Variants in ATRNL1 observed in about 807,000 individuals in gnomAD.
ATRNL1 encodes the protein attractin like 1, also known as attractin-like protein 1.
In ATRNL1, 95 loss-of-function variants were observed where a neutral mutation model predicts 182.7. That is an observed-to-expected ratio of 0.52 (90% CI 0.44 to 0.62). The LOEUF (loss-of-function observed/expected upper bound fraction) is 0.62, where lower values mean the gene tolerates loss of function less well. Ranked by LOEUF, ATRNL1 falls within the 20% of genes least tolerant of loss-of-function variation. The pLI, the probability that ATRNL1 is intolerant of heterozygous loss-of-function variation, is 0.00. For missense variants in ATRNL1, 1,471 were observed against 1,679.5 expected (o/e 0.88, Z 2.17); for synonymous variants, 576 against 568.3 (o/e 1.01, Z -0.19).
intron 21 of ATRNL1, among the ~76,000 whole-genome samples, chr10:115,452,639 A>G (rs1397312876): frequency 6.6e-6 from 1 of 152,170 alleles, no homozygotes; most frequent in East Asian, 1.9e-4. Context: ...CATCAGCACA[A>G]TCAAGACTAT....
chr10:115,700,440 A>G (rs1196882358), intron 26 of ATRNL1, among the ~76,000 whole-genome samples: 3 of 152,056 alleles, frequency 2.0e-5, no homozygotes, highest in African/African-American at 7.2e-5. Flanking sequence ...CATTTCTCTG[A>G]TGGTGAGTGA....
intron 28 of ATRNL1, among the ~76,000 whole-genome samples, chr10:115,902,764 C>T (rs1293425260): frequency 2.0e-5 from 3 of 152,182 alleles, no homozygotes; most frequent in Non-Finnish European, 4.4e-5. Flanking sequence ...GTAATTTTAA[C>T]ACGAATGACA....
intron 19 of ATRNL1, among the ~76,000 whole-genome samples, chr10:115,361,447 G>A (rs1017149237): frequency 2.2e-4 from 33 of 152,118 alleles, no homozygotes; most frequent in Non-Finnish European, 4.1e-4. Flanking sequence ...AGTGGGCTCT[G>A]AGCATCATTG....
chr10:115,778,524 A>C (rs1448132193), intron 27 of ATRNL1, among the ~76,000 whole-genome samples: 1 of 152,194 alleles, frequency 6.6e-6, no homozygotes, highest in Admixed American at 6.5e-5. Context: ...GTGAAAGAGT[A>C]AAGAAAGGGA....
At chr10:115,831,702 T>C (rs1950564232) in intron 27 of ATRNL1, among the ~76,000 whole-genome samples, 1 of 151,770 alleles carries the variant, frequency 6.6e-6, no homozygotes, top group African/African-American at 2.4e-5. Context: ...GTTTTGTCAT[T>C]TGTAAAGTTT....
intron 1 of ATRNL1, among the ~76,000 whole-genome samples, chr10:115,118,886 G>A (rs1554870725): frequency 6.6e-6 from 1 of 152,034 alleles, no homozygotes; most frequent in African/African-American, 2.4e-5. Context: ...GAGTTTTTCT[G>A]AATTACTGCA....
chr10:115,862,986 G>T (rs1390726222), intron 28 of ATRNL1, among the ~76,000 whole-genome samples: 2 of 152,104 alleles, frequency 1.3e-5, no homozygotes, highest in Non-Finnish European at 2.9e-5. Context: ...AAGAAATAGG[G>T]ACTATAAGGA....
intron 25 of ATRNL1, among the ~76,000 whole-genome samples, chr10:115,526,407 CATT>C (rs1851218475): frequency 6.6e-6 from 1 of 152,200 alleles, no homozygotes; most frequent in South Asian, 2.1e-4. Context: ...TTCAGTCTCT[CATT>C]ATCCCTCTGC....
chr10:115,150,132 A>G (rs1419387827), intron 5 of ATRNL1, among the ~76,000 whole-genome samples: 3 of 151,926 alleles, frequency 2.0e-5, no homozygotes, highest in South Asian at 4.1e-4. Flanking sequence ...TTGTTAGTGT[A>G]TAGTTATTTA....
chr10:115,150,446 G>T (rs1479347289), intron 5 of ATRNL1, among the ~76,000 whole-genome samples: 1 of 151,528 alleles, frequency 6.6e-6, no homozygotes, highest in African/African-American at 2.4e-5. Context: ...AAACCTTTCT[G>T]CTTTTTTGAC....
intron 26 of ATRNL1, among the ~76,000 whole-genome samples, chr10:115,598,703 C>T (rs1927481): frequency 0.49 from 74,957 of 151,822 alleles, 19,432 homozygotes; most frequent in African/African-American, 0.6. Context: ...GTAACTATGT[C>T]TTTTAAAAAG....
At chr10:115,716,626 C>G (rs1217561522) in intron 26 of ATRNL1, among the ~76,000 whole-genome samples, 4 of 152,054 alleles carry the variant, frequency 2.6e-5, no homozygotes, top group African/African-American at 9.7e-5. Flanking sequence ...TAAATTACTT[C>G]TTGGGGTTGG....
intron 28 of ATRNL1, among the ~76,000 whole-genome samples, chr10:115,853,579 A>G (rs910333264): frequency 1.3e-5 from 2 of 152,180 alleles, no homozygotes; most frequent in African/African-American, 4.8e-5. Flanking sequence ...TTCTGCCACC[A>G]TATCTTCACA....
intron 8 of ATRNL1, among the ~76,000 whole-genome samples, chr10:115,203,723 A>T (rs1848687541): frequency 6.7e-6 from 1 of 149,414 alleles, no homozygotes; most frequent in South Asian, 2.1e-4. Context: ...GGGACTGCAG[A>T]AGTGCACCAC....
At chr10:115,910,833 T>G (rs1447742110) in intron 28 of ATRNL1, among the ~76,000 whole-genome samples, 2 of 152,196 alleles carry the variant, frequency 1.3e-5, no homozygotes, top group Non-Finnish European at 2.9e-5. Context: ...TCATCCCGCC[T>G]GCCAATATTT....
chr10:115,369,488 T>G (rs528483461), intron 19 of ATRNL1, among the ~76,000 whole-genome samples: 12 of 152,308 alleles, frequency 7.9e-5, no homozygotes, highest in Admixed American at 2.0e-4. Flanking sequence ...GATATTTAAG[T>G]TGATTTTGTA....
intron 26 of ATRNL1, among the ~76,000 whole-genome samples, chr10:115,564,454 T>A (rs1158865061): frequency 1.3e-5 from 2 of 151,996 alleles, no homozygotes; most frequent in African/African-American, 2.4e-5. Context: ...AATTTTTTTC[T>A]TATATCTCTT....
rs945780873 is a variant in ATRNL1 at position 115,738,133 on chromosome 10, T to G, written c.3903+10778T>G. 6.2e-5 allele frequency among the ~76,000 whole-genome samples: 5 copies of G among 80,336 alleles called. No homozygotes were observed. The Admixed American group carries it at 7.0e-4, about 11-fold the overall frequency. 52.7% of individuals were successfully genotyped at this position (80,336 alleles called of 152,430 possible). A position where few individuals can be genotyped will look rare whatever the true frequency, so the allele number is the denominator to read the frequency against. Reference sequence around the variant, plus strand: ...ATGATTTAGAAGATAATGATTTTTTTTTTTTTTTTTTTTTTTTTTTTTTGA... The same window carrying G: ...ATGATTTAGAAGATAATGATTTTTTGTTTTTTTTTTTTTTTTTTTTTTTGA... On this transcript the variant is annotated intron_variant, in intron 27 of 28. Coordinates refer to ENST00000355044, the MANE Select transcript of ATRNL1 (RefSeq NM_207303.4).
At chr10:115,588,783 T>G (rs990990012) in intron 26 of ATRNL1, among the ~76,000 whole-genome samples, 16 of 152,208 alleles carry the variant, frequency 1.1e-4, no homozygotes, top group Admixed American at 8.5e-4. Flanking sequence ...GAGGGATTGA[T>G]CAATGTGTAG....
Sources: allele counts gnomAD v4.1 joint callset (sites outside exome capture counted in the v4.1 genomes callset), GRCh38; gene constraint gnomAD v4.1.1; transcripts MANE v1.5; gene names NCBI Gene and HGNC (gene_info 2026-07-23, HGNC 2026-07-21).